Variants in COQ2 observed in about 807,000 individuals in gnomAD.
COQ2 encodes coenzyme Q2, polyprenyltransferase.
Under a neutral mutation model 35.7 loss-of-function variants are expected in COQ2, and 25 were observed. The ratio of observed to expected loss-of-function variants is 0.70; its 90% CI spans 0.51 to 0.98. The LOEUF is 0.98. Among genes scored for constraint, COQ2 ranks in the 50% least tolerant of loss-of-function variants. The pLI is 0.00. For synonymous variants in COQ2, 206 were observed against 186.2 expected (o/e 1.11, Z -0.86); for missense variants, 488 against 473.5 (o/e 1.03, Z -0.28).
chr4:83,284,751 C>G lies in COQ2; in HGVS notation c.14G>C (p.Arg5Pro). Reference sequence around the variant, plus strand: ...CAGGCCCCGCGCGAACCCCGCGGCTCGCGAGCCCAGCATGGCGCTGGTGAG... The same window carrying G: ...CAGGCCCCGCGCGAACCCCGCGGCTGGCGAGCCCAGCATGGCGCTGGTGAG... MLGSRAAGFARGLRA... is the reference protein window; with the variant it reads MLGSPAAGFARGLRA... Residue 5 changes from arginine (R) to proline (P), a missense_variant, in exon 1 of 7, where the codon CGA (arginine) becomes CCA (proline). By Grantham distance (103) the Arg-to-Pro change is moderately radical (BLOSUM62 -2). Transcript: ENST00000647002. 6.5e-7 allele frequency: 1 copy of G among 1,535,922 alleles called. No individual in the cohort carries two copies. The highest frequency in any genetic ancestry group is 2.6e-5 in the East Asian group (1 of 39,196).
chr4:83,281,286 T>C (rs1735314804), intron 1 of COQ2: 1 of 152,206 alleles, frequency 6.6e-6, no homozygotes, highest in East Asian at 1.9e-4. Flanking sequence ...TCACAGCTAT[T>C]ATTTCCTGGT....
chr4:83,279,198 A>G, intron 1 of COQ2, 84 bp from the exon 2 acceptor site: 1 of 1,412,348 alleles, frequency 7.1e-7, no homozygotes. Context: ...ATACCAAAGA[A>G]ATAAAGAACA....
chr4:83,264,841 T>C (rs1246655035), intron 6 of COQ2, among the ~76,000 whole-genome samples: 2 of 152,172 alleles, frequency 1.3e-5, no homozygotes, highest in Non-Finnish European at 2.9e-5. Context: ...ACCCTCCAGT[T>C]CTGGTTTTAG....
intron 1 of COQ2, among the ~76,000 whole-genome samples, chr4:83,281,021 G>A (rs896159400): frequency 2.0e-5 from 3 of 152,158 alleles, no homozygotes; most frequent in African/African-American, 7.2e-5. Flanking sequence ...GCAGTAACAA[G>A]GTCATAGTTC....
chr4:83,280,813 C>T (rs1486485423), intron 1 of COQ2, among the ~76,000 whole-genome samples: 1 of 152,200 alleles, frequency 6.6e-6, no homozygotes, highest in Non-Finnish European at 1.5e-5. Flanking sequence ...TTCAGGTTGT[C>T]CTGGACAGAC....
intron 1 of COQ2, among the ~76,000 whole-genome samples, chr4:83,280,033 T>C (rs1560496087): frequency 1.3e-5 from 2 of 152,102 alleles, no homozygotes; most frequent in South Asian, 2.1e-4. Flanking sequence ...GGGAATTATG[T>C]TGCCCAGGCT....
chr4:83,284,266 T>C (rs1735397122), intron 1 of COQ2: 1 of 985,466 alleles, frequency 1.0e-6, no homozygotes, highest in South Asian at 4.7e-5. Context: ...CTGTCCCGAC[T>C]GCGTGTCCTG....
chr4:83,272,888 A>G (rs1190585324), intron 3 of COQ2, among the ~76,000 whole-genome samples: 2 of 152,224 alleles, frequency 1.3e-5, no homozygotes, highest in Non-Finnish European at 2.9e-5. Context: ...AGGTATTGTC[A>G]TGTAATTGAT....
intron 1 of COQ2, chr4:83,283,277 A>T (rs1318512564): frequency 3.0e-6 from 3 of 985,322 alleles, no homozygotes; most frequent in Admixed American, 6.1e-5. Context: ...ACATCTCCAT[A>T]CACTGCAATG....
chr4:83,275,632 A>G (rs1298177152), intron 2 of COQ2, among the ~76,000 whole-genome samples: 1 of 152,106 alleles, frequency 6.6e-6, no homozygotes, highest in African/African-American at 2.4e-5. Flanking sequence ...AGACATACTT[A>G]GTGGAAAGAA....
At chr4:83,285,051 A>G, upstream of COQ2, 1 of 621,710 alleles carries the variant, frequency 1.6e-6, no homozygotes, top group South Asian at 2.2e-5. Context: ...ATTATCGGGC[A>G]ACACTCAGAA....
rs1735406571 is a variant in COQ2 at position 83,284,519 on chromosome 4, C to T, written c.246G>A (p.Lys82=). 1.3e-6 allele frequency: 2 copies of T among 1,573,292 alleles called. No homozygotes were observed. The highest frequency in any genetic ancestry group is 3.4e-4 in the Middle Eastern group (2 of 5,922). ...QPYLRLMRLD[K]PIGTWLLYLP... is the part of the protein sequence containing the mutation. The stretch of plus-strand genomic sequence containing the variant: ...CCGCCCGCCCGCACTCACCAATGGG[C>T]TTGTCCAACCGCATGAGGCGCAAGT... The change falls in exon 1 of 7, where the codon AAG becomes AAA. Residue 82 remains lysine (K), a synonymous_variant. Transcript: ENST00000647002.
Position 83,276,550 on chromosome 4 carries a change from G to A in COQ2, c.420+2398C>T, listed in dbSNP as rs554950426. On this transcript the variant is annotated intron_variant, in intron 2 of 6. Transcript: ENST00000647002. The stretch of plus-strand genomic sequence containing the variant: ...ATGGCTATTAGAAAGTCAAAAAACA[G>A]ATGTTGGTGAGGATGTGGAGAAAGG... 4.0e-4 allele frequency among the ~76,000 whole-genome samples: 61 copies of A among 152,298 alleles called. No individual in the cohort carries two copies. In the South Asian group the frequency reaches 0.012, roughly 31 times the overall value.
intron 2 of COQ2, among the ~76,000 whole-genome samples, chr4:83,275,629 C>T (rs982289356): frequency 1.3e-5 from 2 of 152,042 alleles, no homozygotes; most frequent in African/African-American, 4.8e-5. Context: ...TTTAGACATA[C>T]TTAGTGGAAA....
At chr4:83,284,008 T>A in intron 1 of COQ2, 1 of 985,434 alleles carries the variant, frequency 1.0e-6, no homozygotes, top group Non-Finnish European at 1.2e-6. Context: ...AACACAGAGT[T>A]CTTCTGGTCT....
At position 83,284,510 on chromosome 4, in the gene COQ2, A is replaced by G; in HGVS notation, c.253+2T>C. ...CCGGGCTGCCCGCCCGCCCGCACTC[A>G]CCAATGGGCTTGTCCAACCGCATGA... On this transcript the variant is annotated splice_donor_variant, in intron 1 of 6. Transcript: ENST00000647002. LOFTEE classifies it high-confidence loss of function. 2 of 1,567,386 alleles carry G rather than the reference A, an allele frequency of 1.3e-6. No homozygotes were observed. The highest frequency in any genetic ancestry group is 1.7e-6 in the Non-Finnish European group (2 of 1,158,628).
chr4:83,266,311 C>A (rs528190504), intron 6 of COQ2, among the ~76,000 whole-genome samples: 1 of 152,004 alleles, frequency 6.6e-6, no homozygotes, highest in Non-Finnish European at 1.5e-5. Context: ...TGGCAATAAT[C>A]TGTATAAAAT....
intron 3 of COQ2, 34 bp downstream of exon 3, chr4:83,273,462 A>G (rs372614870): frequency 3.9e-5 from 62 of 1,584,780 alleles, no homozygotes; most frequent in Non-Finnish European, 5.2e-5. Context: ...CAAAGGAGAG[A>G]TTTTATACAT....
chr4:83,265,581 A>AAACAACAAC (rs144320009), intron 6 of COQ2, among the ~76,000 whole-genome samples: 1 of 151,546 alleles, frequency 6.6e-6, no homozygotes, highest in Non-Finnish European at 1.5e-5. Context: ...GTTTCAAAAC[A>AAACAACAAC]AACAACAACA....
Sources: allele counts gnomAD v4.1 joint callset (sites outside exome capture counted in the v4.1 genomes callset), GRCh38; gene constraint gnomAD v4.1.1; transcripts MANE v1.5; gene names NCBI Gene and HGNC (gene_info 2026-07-23, HGNC 2026-07-21).